Variants in ACO2 observed in about 807,000 individuals in gnomAD.
ACO2 encodes the protein aconitase 2.
ACO2 carries 31 observed loss-of-function variants against 84.5 expected under a neutral mutation model. That is an observed-to-expected ratio of 0.37 (90% CI 0.28 to 0.50). The LOEUF is 0.50. Among genes scored for constraint, ACO2 ranks in the 20% least tolerant of loss-of-function variants. The probability of loss-of-function intolerance (pLI) is 0.97; values close to 1 mark genes in which losing one functional copy is unlikely to be tolerated. For missense variants in ACO2, 685 were observed against 1,029.3 expected (o/e 0.67, Z 4.58); for synonymous variants, 414 against 412.7 (o/e 1.00, Z -0.04).
chr22:41,520,072 C>T (rs1213065749), intron 8 of ACO2, 99 bp from the exon 9 acceptor site: 1 of 1,041,070 alleles, frequency 9.6e-7, no homozygotes, highest in Non-Finnish European at 1.4e-6. Context: ...AAGTCGTTGG[C>T]CTCTCTGTGG....
Position 41,526,346 on chromosome 22 carries a change from A to AG in ACO2, c.1846_1847insG (p.Asn616ArgfsTer10), listed in dbSNP as rs1235466955. ...TGGGCACTTGGATAACATCTCCAACAACCTGCTCATTGGTGCCATCAACAT... is the reference window on the plus strand; with the variant it reads ...TGGGCACTTGGATAACATCTCCAACAGACCTGCTCATTGGTGCCATCAACAT... On this transcript the variant is annotated frameshift_variant, in exon 15 of 18. Transcript: ENST00000216254. LOFTEE classifies it high-confidence loss of function. The AG allele has an allele frequency of 6.2e-7, 1 of 1,613,462 alleles. No individual in the cohort carries two copies. The highest frequency in any genetic ancestry group is 2.2e-5 in the East Asian group (1 of 44,886).
At position 41,504,711 on chromosome 22, in the gene ACO2, C is replaced by CTTTTTTTTTTTTTTTTTTTTTT. The variant is rs926246283; in HGVS notation, c.174-3071_174-3050dup. Among the ~76,000 whole-genome samples the CTTTTTTTTTTTTTTTTTTTTTT allele has an allele frequency of 6.2e-5, 3 of 48,604 alleles. 1 individual carries two copies. Among genetic ancestry groups the CTTTTTTTTTTTTTTTTTTTTTT allele is most frequent in the African/African-American group, 7.7e-5 (1 of 12,910 alleles). 31.9% of individuals were successfully genotyped at this position (48,604 alleles called of 152,430 possible). A position where few individuals can be genotyped will look rare whatever the true frequency, so the allele number is the denominator to read the frequency against. The stretch of plus-strand genomic sequence containing the variant: ...GCCAGCAGATCCAGCACCTTAGGGA[C>CTTTTTTTTTTTTTTTTTTTTTT]TTTTTTTTTTTTTTTTTTTTTTTTT... On this transcript the variant is annotated intron_variant, in intron 2 of 17. Transcript: ENST00000216254.
chr22:41,527,754 G>A, intron 16 of ACO2, 147 bp from the exon 17 acceptor site: 1 of 1,347,800 alleles, frequency 7.4e-7, no homozygotes, highest in Non-Finnish European at 1.0e-6. Flanking sequence ...TAGTGAAAGG[G>A]AGCAGACCAG....
At chr22:41,523,702 G>C (rs1453695856) in intron 11 of ACO2, 128 bp from the exon 12 acceptor site, 6 of 830,164 alleles carry the variant, frequency 7.2e-6, no homozygotes, top group Non-Finnish European at 1.2e-5. Flanking sequence ...AACCCTGGCA[G>C]GGCCTCTTCA....
intron 1 of ACO2, among the ~76,000 whole-genome samples, chr22:41,499,046 G>A (rs939734474): frequency 1.3e-5 from 2 of 149,468 alleles, no homozygotes; most frequent in Non-Finnish European, 3.0e-5. Flanking sequence ...TCAGTGAGCC[G>A]AGATCCCACC....
intron 2 of ACO2, among the ~76,000 whole-genome samples, chr22:41,500,764 T>C (rs113380527): frequency 0.015 from 2,308 of 152,200 alleles, 59 homozygotes; most frequent in African/African-American, 0.051. Flanking sequence ...AGTACAGTGG[T>C]GCAGTCTCGG....
chr22:41,518,503 A>G lies in ACO2; in HGVS notation c.963A>G (p.Glu321=). Residue 321 remains glutamate (E), a synonymous_variant, in exon 8 of 18, where the codon GAA becomes GAG. Coordinates refer to ENST00000216254, the MANE Select transcript of ACO2 (RefSeq NM_001098.3). Reference sequence around the variant, plus strand: ...CAGACATTGCCAATCTAGCTGATGAATTCAAGGATCACTTGGTGCCTGACC... The same window carrying G: ...CAGACATTGCCAATCTAGCTGATGAGTTCAAGGATCACTTGGTGCCTGACC... ...GREDIANLAD[E]FKDHLVPDPG... The G allele has an allele frequency of 6.2e-7, 1 of 1,613,810 alleles. No individual in the cohort carries two copies. Among genetic ancestry groups the G allele is most frequent in the Non-Finnish European group, 8.5e-7 (1 of 1,179,844 alleles).
rs1026789664 is a variant in ACO2, at chr22:41,525,010, A to C, written c.1605+42A>C. ...CCTGCTTGCTGGTTGCTGTGTGGCC[A>C]CGTCACTTCCTTCTCAACCTCACAG... is the stretch of plus-strand genomic sequence containing the variant. On this transcript the variant is annotated intron_variant, in intron 13 of 17. Coordinates refer to ENST00000216254, the MANE Select transcript of ACO2 (RefSeq NM_001098.3). 6 of 1,613,782 alleles carry C rather than the reference A, an allele frequency of 3.7e-6. No individual in the cohort carries two copies. In the South Asian group the frequency reaches 6.6e-5, roughly 18 times the overall value.
rs1409121876 is a variant in ACO2, at chr22:41,503,196, AT to A, written c.173+3339del. Among the ~76,000 whole-genome samples the A allele has an allele frequency of 7.9e-5, 12 of 152,006 alleles. No homozygotes were observed. In the East Asian group the frequency reaches 2.3e-3, roughly 29 times the overall value. ...CATTAAAATTGACAACTACAACAAT[AT>A]TTTTCCTTGCTTACTTTTATTCCAA... On this transcript the variant is annotated intron_variant, in intron 2 of 17. Transcript: ENST00000216254.
chr22:41,511,970 TA>T lies in ACO2; in HGVS notation c.525+5del. ...CCTGGATCTGGAATCATTCACCAGG[TA>T]AAGCTGGGCTCAGTCTGCCGTCCCA... is the stretch of plus-strand genomic sequence containing the variant. On this transcript the variant is annotated splice_donor_region_variant and intron_variant, in intron 4 of 17. Transcript: ENST00000216254. The T allele has an allele frequency of 1.2e-6, 2 of 1,606,694 alleles. No homozygotes were observed. Among genetic ancestry groups the T allele is most frequent in the Non-Finnish European group, 8.5e-7 (1 of 1,176,626 alleles).
chr22:41,500,910 G>A (rs994583570), intron 2 of ACO2, among the ~76,000 whole-genome samples: 1 of 151,810 alleles, frequency 6.6e-6, no homozygotes, highest in East Asian at 1.9e-4. Flanking sequence ...CATCATGTTG[G>A]CCAGGCTGGC....
At chr22:41,472,623 GT>G (rs2037959747) in intron 1 of ACO2, among the ~76,000 whole-genome samples, 1 of 151,980 alleles carries the variant, frequency 6.6e-6, no homozygotes. Flanking sequence ...ATTTTGTTTT[GT>G]TTTTTTAAAG....
chr22:41,523,325 C>T lies in ACO2; in HGVS notation c.1370+47C>T, dbSNP rs1475514408. 5 of 1,454,980 alleles carry T rather than the reference C, an allele frequency of 3.4e-6. No homozygotes were observed. In the South Asian group the frequency reaches 3.7e-5, roughly 11 times the overall value. The allele number at this position is 1,454,980 out of a possible 1,614,324, so 90.1% of individuals were successfully genotyped here. On this transcript the variant is annotated intron_variant, in intron 11 of 17. Coordinates refer to ENST00000216254, the MANE Select transcript of ACO2 (RefSeq NM_001098.3). ...AAGACAGCCCCTTGTGCACAGGGTA[C>T]AGAGCCCCAGAAGTTGGAGGGGGAA...
intron 1 of ACO2, among the ~76,000 whole-genome samples, chr22:41,475,052 A>G (rs1298982763): frequency 6.6e-6 from 1 of 151,026 alleles, no homozygotes; most frequent in Non-Finnish European, 1.5e-5. Flanking sequence ...GAGTATGAGC[A>G]TATTGTCTCA....
rs188050974 is a variant in ACO2 at position 41,481,715 on chromosome 22, C to T, written c.36+12533C>T. On this transcript the variant is annotated intron_variant, in intron 1 of 17. Transcript: ENST00000216254. ...TCTGAACCCGTGCTGTTGCTCATCA[C>T]GGCTTCTGCCAGAGGCACTTAACTT... 1.0e-3 allele frequency among the ~76,000 whole-genome samples: 159 copies of T among 152,324 alleles called. 1 individual carries two copies. The highest frequency in any genetic ancestry group is 3.7e-3 in the African/African-American group (153 of 41,570).
intron 1 of ACO2, among the ~76,000 whole-genome samples, chr22:41,478,797 C>T (rs1298185065): frequency 7.0e-6 from 1 of 143,522 alleles, no homozygotes; most frequent in Non-Finnish European, 1.5e-5. Context: ...GAAGGAGTCT[C>T]ACTCTGTAGC....
intron 15 of ACO2, 178 bp downstream of exon 15, chr22:41,526,631 G>A (rs2066602841): frequency 1.6e-6 from 1 of 611,878 alleles, no homozygotes; most frequent in South Asian, 2.7e-5. Context: ...GAAGGCATGA[G>A]GCCCAGGTCC....
chr22:41,480,440 G>A (rs545153232), intron 1 of ACO2, among the ~76,000 whole-genome samples: 5 of 152,256 alleles, frequency 3.3e-5, no homozygotes, highest in African/African-American at 1.2e-4. Flanking sequence ...TCCAAGATGT[G>A]CTGTCCTGGT....
At chr22:41,496,270 G>A (rs1215161544) in intron 1 of ACO2, among the ~76,000 whole-genome samples, 4 of 152,000 alleles carry the variant, frequency 2.6e-5, no homozygotes, top group Non-Finnish European at 4.4e-5. Flanking sequence ...AGCTGAGATC[G>A]TGCCACTACA....
Sources: gnomAD v4.1 joint callset for allele counts (sites outside exome capture counted in the v4.1 genomes callset) on GRCh38, gnomAD v4.1.1 for gene constraint, MANE v1.5 for transcripts, NCBI Gene and HGNC (gene_info 2026-07-23, HGNC 2026-07-21) for gene names.